Variants in OSBPL10 observed in about 807,000 individuals in gnomAD.
OSBPL10 encodes oxysterol binding protein like 10, also known as oxysterol-binding protein-related protein 10.
OSBPL10 carries 49 observed loss-of-function variants against 81.7 expected under a neutral mutation model. That is an observed-to-expected ratio of 0.60 (90% CI 0.48 to 0.76). The LOEUF is 0.76. Among genes scored for constraint, OSBPL10 ranks in the 30% least tolerant of loss-of-function variants. OSBPL10 has a pLI of 0.00. For missense variants in OSBPL10, 923 were observed against 987.8 expected (o/e 0.93, Z 0.88); for synonymous variants, 419 against 383.6 (o/e 1.09, Z -1.08).
chr3:31,674,401 T>A (rs60028190), intron 8 of OSBPL10, among the ~76,000 whole-genome samples: 73,581 of 150,730 alleles, frequency 0.49, 20,259 homozygotes, highest in African/African-American at 0.75. Context: ...AAAAAAATTT[T>A]AAAAAAAAAT....
chr3:31,733,210 A>T, intron 6 of OSBPL10, 47 bp downstream of exon 6: 2 of 1,587,038 alleles, frequency 1.3e-6, no homozygotes, highest in Non-Finnish European at 8.5e-7. Context: ...ATTTCTGAAC[A>T]AGCGATAACA....
intron 3 of OSBPL10, among the ~76,000 whole-genome samples, chr3:31,832,150 CT>C (rs1700261859): frequency 6.6e-6 from 1 of 152,160 alleles, no homozygotes. Flanking sequence ...CAAAATATAG[CT>C]TTTCCAACAT....
intron 6 of OSBPL10, among the ~76,000 whole-genome samples, chr3:31,731,999 T>C (rs1245148139): frequency 6.6e-6 from 1 of 152,218 alleles, no homozygotes; most frequent in Non-Finnish European, 1.5e-5. Flanking sequence ...AATAAGTAAG[T>C]TGATTATGTG....
chr3:31,823,730 C>T (rs11707569), intron 4 of OSBPL10, among the ~76,000 whole-genome samples: 65,047 of 151,908 alleles, frequency 0.43, 15,003 homozygotes, highest in Admixed American at 0.56. Flanking sequence ...TTGTTTTGTA[C>T]GAAGTCTTTG....
chr3:31,699,585 C>A (rs74406365), intron 7 of OSBPL10, among the ~76,000 whole-genome samples: 4,654 of 152,246 alleles, frequency 0.031, 251 homozygotes, highest in African/African-American at 0.1. Context: ...AAACACAAGT[C>A]CCCTTGTTGG....
intron 4 of OSBPL10, among the ~76,000 whole-genome samples, chr3:31,782,250 C>G (rs1427062768): frequency 6.6e-6 from 1 of 152,178 alleles, no homozygotes; most frequent in Non-Finnish European, 1.5e-5. Flanking sequence ...AAGAATGAAG[C>G]TGGATCCTCA....
chr3:31,821,413 C>T (rs1162438057), intron 4 of OSBPL10, among the ~76,000 whole-genome samples: 1 of 152,104 alleles, frequency 6.6e-6, no homozygotes, highest in Non-Finnish European at 1.5e-5. Flanking sequence ...TTCCAGCCAA[C>T]CTGCTTCACT....
intron 5 of OSBPL10, among the ~76,000 whole-genome samples, chr3:31,740,829 A>G (rs1292717641): frequency 6.8e-6 from 1 of 146,116 alleles, no homozygotes; most frequent in Non-Finnish European, 1.5e-5. Context: ...AATGGTTATG[A>G]TAAACTTAAT....
chr3:32,025,739 T>C (rs1005554969), intron 2 of OSBPL10, among the ~76,000 whole-genome samples: 5 of 152,222 alleles, frequency 3.3e-5, no homozygotes, highest in African/African-American at 1.2e-4. Context: ...TTTGTCTAAT[T>C]CATCTGCTGT....
intron 4 of OSBPL10, among the ~76,000 whole-genome samples, chr3:31,793,424 T>G (rs940455229): frequency 5.3e-5 from 8 of 152,150 alleles, no homozygotes; most frequent in African/African-American, 1.2e-4. Context: ...AAATCTAAAT[T>G]TAGATAAAAT....
At chr3:31,747,877 T>C in intron 5 of OSBPL10, 33 bp downstream of exon 5, 1 of 1,601,116 alleles carries the variant, frequency 6.2e-7, no homozygotes, top group Non-Finnish European at 8.5e-7. Context: ...TGTGTACTCA[T>C]CCCAAACATG....
chr3:31,752,169 A>G (rs1406183196), intron 4 of OSBPL10, among the ~76,000 whole-genome samples: 2 of 151,946 alleles, frequency 1.3e-5, no homozygotes, highest in African/African-American at 4.9e-5. Context: ...ACCATCAACA[A>G]ACAGACTCAC....
chr3:31,665,779 A>C (rs1313733884), intron 10 of OSBPL10, among the ~76,000 whole-genome samples: 1 of 152,184 alleles, frequency 6.6e-6, no homozygotes, highest in East Asian at 1.9e-4. Flanking sequence ...ACACAGCCTC[A>C]ACACACACCT....
rs867922498 is a variant in OSBPL10 at position 31,913,236 on chromosome 3, T to G, written c.282-33406A>C. On this transcript the variant is annotated intron_variant, in intron 1 of 11. Coordinates refer to ENST00000396556, the MANE Select transcript of OSBPL10 (RefSeq NM_017784.5). ...GGACACAGAAGTACTAGGTTTTTTT[T>G]TTTATTTTGTTTTTTGTTTTTTTTT... Among the ~76,000 whole-genome samples, 901 of 144,808 alleles carry G rather than the reference T, an allele frequency of 6.2e-3. 5 individuals carry two copies. The highest frequency in any genetic ancestry group is 0.021 in the African/African-American group (830 of 40,486). The allele number at this position is 144,808 out of a possible 152,430, so 95.0% of individuals were successfully genotyped here. A position where few individuals can be genotyped will look rare whatever the true frequency, so the allele number is the denominator to read the frequency against.
chr3:32,031,045 G>A (rs1165382150), intron 2 of OSBPL10, among the ~76,000 whole-genome samples: 2 of 151,938 alleles, frequency 1.3e-5, no homozygotes, highest in African/African-American at 4.8e-5. Context: ...GCAGGTGCCT[G>A]TAATCCCAGT....
Position 31,767,512 on chromosome 3 carries a change from C to T in OSBPL10, c.730-19392G>A, listed in dbSNP as rs149979718. Among the ~76,000 whole-genome samples, 3 of 152,316 alleles carry T rather than the reference C, an allele frequency of 2.0e-5. No individual in the cohort carries two copies. In the East Asian group the frequency reaches 5.8e-4, roughly 29 times the overall value. ...CCTCCCCATCTCTCATGGTCAAAGTCCTACCAGGCTTCCAATGCCCTTCCT... is the reference window on the plus strand; with the variant it reads ...CCTCCCCATCTCTCATGGTCAAAGTTCTACCAGGCTTCCAATGCCCTTCCT... On this transcript the variant is annotated intron_variant, in intron 4 of 11. Coordinates refer to ENST00000396556, the MANE Select transcript of OSBPL10 (RefSeq NM_017784.5).
chr3:31,761,349 G>A (rs1467567289), intron 4 of OSBPL10, among the ~76,000 whole-genome samples: 5 of 151,830 alleles, frequency 3.3e-5, no homozygotes, highest in South Asian at 2.1e-4. Flanking sequence ...GCACACACCC[G>A]TAATCCCAGC....
intron 6 of OSBPL10, among the ~76,000 whole-genome samples, chr3:31,712,684 T>A (rs1453291054): frequency 6.6e-6 from 1 of 152,242 alleles, no homozygotes; most frequent in Non-Finnish European, 1.5e-5. Flanking sequence ...AACCTGTGTC[T>A]GACTTCTTAT....
intron 4 of OSBPL10, among the ~76,000 whole-genome samples, chr3:31,764,689 T>C (rs1290360422): frequency 6.6e-6 from 1 of 152,176 alleles, no homozygotes; most frequent in East Asian, 1.9e-4. Context: ...GCTTCAGGCT[T>C]AACCATCATT....
Sources: gnomAD v4.1 joint callset for allele counts (sites outside exome capture counted in the v4.1 genomes callset) on GRCh38, gnomAD v4.1.1 for gene constraint, MANE v1.5 for transcripts, NCBI Gene and HGNC (gene_info 2026-07-23, HGNC 2026-07-21) for gene names.